NKAIN2: variants seen among roughly 807,000 people sequenced by gnomAD.
The protein encoded by NKAIN2 is sodium/potassium transporting ATPase interacting 2, also known as sodium/potassium-transporting ATPase subunit beta-1-interacting protein 2.
In NKAIN2, 14 loss-of-function variants were observed where a neutral mutation model predicts 32.6. The observed-to-expected ratio is 0.43, with a 90% CI of 0.28 to 0.67. The LOEUF (loss-of-function observed/expected upper bound fraction) is 0.67, where lower values mean the gene tolerates loss of function less well. Among genes scored for constraint, NKAIN2 ranks in the 30% least tolerant of loss-of-function variants. The pLI is 0.17. For synonymous variants in NKAIN2, 80 were observed against 87.2 expected (o/e 0.92, Z 0.46); for missense variants, 198 against 258.3 (o/e 0.77, Z 1.60).
intron 3 of NKAIN2, among the ~76,000 whole-genome samples, chr6:124,421,064 C>G: frequency 8.2e-6 from 1 of 121,956 alleles, no homozygotes; most frequent in East Asian, 2.5e-4. Context: ...ATAGCTGGCA[C>G]TGTCAAAATT....
chr6:123,999,540 C>T (rs530492772), intron 1 of NKAIN2, among the ~76,000 whole-genome samples: 1 of 152,106 alleles, frequency 6.6e-6, no homozygotes, highest in East Asian at 1.9e-4. Flanking sequence ...TTTATTTTAC[C>T]TCTAAGAAAA....
intron 1 of NKAIN2, among the ~76,000 whole-genome samples, chr6:124,122,337 C>T (rs1405747298): frequency 6.6e-6 from 1 of 151,926 alleles, no homozygotes; most frequent in Admixed American, 6.6e-5. Context: ...GATGTTTAGT[C>T]TGGGTAGATA....
chr6:124,490,310 G>T, intron 3 of NKAIN2: 1 of 409,478 alleles, frequency 2.4e-6, no homozygotes. Flanking sequence ...CCACCAATTA[G>T]AGAATGACAC....
chr6:124,355,215 C>A, intron 2 of NKAIN2, 52 bp from the exon 3 acceptor site: 1 of 1,205,810 alleles, frequency 8.3e-7, no homozygotes, highest in Non-Finnish European at 1.2e-6. Context: ...TTGAATCATA[C>A]TCAACTGATT....
rs941608526 is a variant in NKAIN2, at chr6:124,547,855, G to A, written c.274-110331G>A. Among the ~76,000 whole-genome samples, 7 of 152,068 alleles carry A rather than the reference G, an allele frequency of 4.6e-5. No individual in the cohort carries two copies. The South Asian group carries it at 1.5e-3, about 32-fold the overall frequency. The stretch of plus-strand genomic sequence containing the variant: ...CCACCAGTCCAATTCTAACACTATT[G>A]CCTAAACTAATTGCTTCTTATTCCT... On this transcript the variant is annotated intron_variant, in intron 3 of 6. Transcript: ENST00000368417.
chr6:124,455,022 T>G (rs1776264507), intron 3 of NKAIN2, among the ~76,000 whole-genome samples: 1 of 151,980 alleles, frequency 6.6e-6, no homozygotes, highest in African/African-American at 2.4e-5. Context: ...TACCTGAAAT[T>G]ATTTAGATTA....
intron 1 of NKAIN2, among the ~76,000 whole-genome samples, chr6:123,970,716 T>TA (rs558556228): frequency 1.1e-4 from 16 of 151,714 alleles, no homozygotes; most frequent in East Asian, 2.0e-4. Flanking sequence ...CCATTTCTAC[T>TA]AAAAAAATAC....
chr6:124,732,369 G>T lies in NKAIN2; in HGVS notation c.475-58970G>T, dbSNP rs545271265. ...GGACAGGGTTTGGTGAAATCCCAGG[G>T]AAGTTAGCAAAGGCTAAGGCTAAGA... is the stretch of plus-strand genomic sequence containing the variant. On this transcript the variant is annotated intron_variant, in intron 4 of 6. Coordinates refer to ENST00000368417, the MANE Select transcript of NKAIN2 (RefSeq NM_001040214.3). Among the ~76,000 whole-genome samples, 16 of 152,164 alleles carry T rather than the reference G, an allele frequency of 1.1e-4. No homozygotes were observed. The South Asian group carries it at 3.3e-3, about 32-fold the overall frequency.
rs138272409 is a variant in NKAIN2 at position 124,825,550 on chromosome 6, A to G, written c.*2321A>G. On this transcript the variant is annotated 3_prime_UTR_variant, in exon 7 of 7. Coordinates refer to ENST00000368417, the MANE Select transcript of NKAIN2 (RefSeq NM_001040214.3). The stretch of plus-strand genomic sequence containing the variant: ...ATCCTGATGTGTCCTTTTTTTTTGC[A>G]TTTGTTAATTCTGAATGTATTTTTA... 1.7e-3 allele frequency: 253 copies of G among 151,902 alleles called. No homozygotes were observed. The highest frequency in any genetic ancestry group is 5.8e-3 in the African/African-American group (238 of 41,342). The allele number at this position is 151,902 out of a possible 1,614,324, so 9.4% of individuals were successfully genotyped here. A position where few individuals can be genotyped will look rare whatever the true frequency, so the allele number is the denominator to read the frequency against.
intron 3 of NKAIN2, among the ~76,000 whole-genome samples, chr6:124,451,139 T>C (rs763579179): frequency 1.3e-5 from 2 of 152,120 alleles, no homozygotes; most frequent in African/African-American, 2.4e-5. Flanking sequence ...AAATCACTTA[T>C]CTATATTCAT....
At chr6:123,874,162 T>C (rs1050522337) in intron 1 of NKAIN2, among the ~76,000 whole-genome samples, 13 of 152,104 alleles carry the variant, frequency 8.5e-5, no homozygotes, top group Non-Finnish European at 1.5e-4. Flanking sequence ...GACATTTTTT[T>C]CCACCATGGA....
At chr6:124,237,582 G>T (rs1281878552) in intron 1 of NKAIN2, among the ~76,000 whole-genome samples, 1 of 152,114 alleles carries the variant, frequency 6.6e-6, no homozygotes, top group Non-Finnish European at 1.5e-5. Flanking sequence ...TGAATGATTT[G>T]TGTATTTGTG....
chr6:124,053,020 G>A (rs373574966), intron 1 of NKAIN2, among the ~76,000 whole-genome samples: 2 of 151,974 alleles, frequency 1.3e-5, no homozygotes, highest in East Asian at 3.9e-4. Context: ...GTGGATGAGG[G>A]AGGAAGAAGT....
chr6:124,645,032 CTGGT>C (rs1215045119), intron 3 of NKAIN2, among the ~76,000 whole-genome samples: 3 of 152,102 alleles, frequency 2.0e-5, no homozygotes, highest in African/African-American at 7.2e-5. Context: ...TTAATGATAG[CTGGT>C]TGAAGATATA....
chr6:124,325,892 T>C (rs186865842), intron 2 of NKAIN2, among the ~76,000 whole-genome samples: 1 of 152,262 alleles, frequency 6.6e-6, no homozygotes, highest in Non-Finnish European at 1.5e-5. Flanking sequence ...TTTACTAGCA[T>C]ATGTCTCAAT....
intron 3 of NKAIN2, among the ~76,000 whole-genome samples, chr6:124,636,106 A>G (rs1475989851): frequency 6.6e-6 from 1 of 151,948 alleles, no homozygotes; most frequent in Non-Finnish European, 1.5e-5. Flanking sequence ...TCAGACCACA[A>G]TAGAATAAAA....
intron 3 of NKAIN2, among the ~76,000 whole-genome samples, chr6:124,452,958 T>C (rs1462858740): frequency 6.6e-6 from 1 of 152,054 alleles, no homozygotes; most frequent in African/African-American, 2.4e-5. Context: ...TGCCAAGCAG[T>C]AGTTCTTCAT....
In NKAIN2 at chr6:124,334,327, C is replaced by A. The variant is rs1414363633; in HGVS notation, c.193-20940C>A. Among the ~76,000 whole-genome samples the A allele has an allele frequency of 3.9e-5, 6 of 152,156 alleles. No individual in the cohort carries two copies. In the East Asian group the frequency reaches 1.2e-3, roughly 29 times the overall value. On this transcript the variant is annotated intron_variant, in intron 2 of 6. Coordinates refer to ENST00000368417, the MANE Select transcript of NKAIN2 (RefSeq NM_001040214.3). ...CCAAAGGGTTCTCCTTGCCTGCTCC[C>A]CAGACAGAGTCGATTTATCCGGACA...
intron 1 of NKAIN2, among the ~76,000 whole-genome samples, chr6:124,232,632 C>T (rs1040278914): frequency 3.3e-5 from 5 of 152,102 alleles, no homozygotes; most frequent in Admixed American, 2.6e-4. Flanking sequence ...TGTTATCCCC[C>T]CACTTTCCTG....
Sources: gnomAD v4.1 joint callset for allele counts (sites outside exome capture counted in the v4.1 genomes callset) on GRCh38, gnomAD v4.1.1 for gene constraint, MANE v1.5 for transcripts, NCBI Gene and HGNC (gene_info 2026-07-23, HGNC 2026-07-21) for gene names.